The following ZNF831 variants were observed in gnomAD, a reference collection of about 807,000 sequenced individuals.
The protein encoded by ZNF831 is zinc finger protein 831, also known as chromosome 20 open reading frame 174.
A neutral mutation model predicts 95.8 loss-of-function variants in ZNF831; 59 were observed. The ratio of observed to expected loss-of-function variants is 0.62; its 90% CI spans 0.50 to 0.77. ZNF831 has a LOEUF of 0.77. Among genes scored for constraint, ZNF831 ranks in the 30% least tolerant of loss-of-function variants. The pLI, the probability that ZNF831 is intolerant of heterozygous loss-of-function variation, is 0.00. For missense variants in ZNF831, 2,205 were observed against 2,164.0 expected, an observed-to-expected ratio of 1.02 and a Z score of -0.38; for synonymous variants, 961 against 925.5, an observed-to-expected ratio of 1.04 and a Z score of -0.70.
rs201334296 is a variant in ZNF831, at chr20:59,194,015, G to T, written c.2996G>T (p.Gly999Val). 9 of 1,529,074 alleles carry T rather than the reference G, an allele frequency of 5.9e-6. No individual in the cohort carries two copies. The highest frequency in any genetic ancestry group is 7.9e-6 in the Non-Finnish European group (9 of 1,140,274). The allele number at this position is 1,529,074 out of a possible 1,614,324, so 94.7% of individuals were successfully genotyped here. Residue 999 changes from glycine (G) to valine (V), a missense_variant, in exon 2 of 6, where the codon GGT becomes GTT. By Grantham distance (109) the Gly-to-Val change is moderately radical. Transcript: ENST00000371030. ...SPSPASGPSP[G>V]EADSILEDPS... ...AGCCCAGCCTCAGGCCCCTCCCCAG[G>T]TGAGGCGGACAGCATCCTGGAGGAC...
intron 2 of ZNF831, 142 bp downstream of exon 2, chr20:59,194,899 G>A (rs1321878512): frequency 1.6e-6 from 2 of 1,240,636 alleles, no homozygotes; most frequent in South Asian, 2.0e-5. Flanking sequence ...GGGAGGCTGG[G>A]GATACCACAT....
chr20:59,167,428 C>CAA lies in ZNF831; in HGVS notation c.-37+3233_-37+3234dup, dbSNP rs11477789. Among the ~76,000 whole-genome samples, 743 of 139,450 alleles carry CAA rather than the reference C, an allele frequency of 5.3e-3. 2 individuals carry two copies. The highest frequency in any genetic ancestry group is 0.015 in the Middle Eastern group (4 of 268). 91.5% of individuals were successfully genotyped at this position (139,450 alleles called of 152,430 possible). On this transcript the variant is annotated intron_variant, in intron 1 of 5. Transcript: ENST00000371030. ...ATTATAAGCAGGGGTTTGCACAGAGCAAAAAAAAAAAAATTAACTTCGATG... is the reference window on the plus strand; with the variant it reads ...ATTATAAGCAGGGGTTTGCACAGAGCAAAAAAAAAAAAAAATTAACTTCGATG...
chr20:59,190,861 A>T, intron 1 of ZNF831, 123 bp from the exon 2 acceptor site: 1 of 801,032 alleles, frequency 1.2e-6, no homozygotes, highest in Non-Finnish European at 1.7e-6. Flanking sequence ...GGATGAGAGT[A>T]CATTCCTTAG....
At chr20:59,137,453 C>T (rs143251042) in intron 1 of ZNF831, among the ~76,000 whole-genome samples, 1 of 152,126 alleles carries the variant, frequency 6.6e-6, no homozygotes, top group Non-Finnish European at 1.5e-5. Flanking sequence ...AGGTGGTCAA[C>T]TTCAAACTCA....
In ZNF831 at chr20:59,193,923, C is replaced by T; in HGVS notation, c.2904C>T (p.Cys968=). Residue 968 remains cysteine (C), a synonymous_variant, in exon 2 of 6, where the codon TGC becomes TGT. Transcript: ENST00000371030. ...WGPRHSQDSL[C]SSGWPEERAS... ...CAAGGCACAGCCAGGACTCTCTCTGCAGCAGTGGGTGGCCTGAAGAACGGG... is the reference window on the plus strand; with the variant it reads ...CAAGGCACAGCCAGGACTCTCTCTGTAGCAGTGGGTGGCCTGAAGAACGGG... 1.9e-6 allele frequency: 3 copies of T among 1,597,516 alleles called. No individual in the cohort carries two copies. In the South Asian group the frequency reaches 3.4e-5, roughly 18 times the overall value.
At chr20:59,222,053 GC>G (rs1349318442) in intron 4 of ZNF831, among the ~76,000 whole-genome samples, 4 of 152,158 alleles carry the variant, frequency 2.6e-5, no homozygotes, top group Non-Finnish European at 4.4e-5. Context: ...AATGTGCGAC[GC>G]CCCCTCCCTT....
intron 2 of ZNF831, among the ~76,000 whole-genome samples, chr20:59,148,072 A>G (rs1445344544): frequency 2.6e-5 from 4 of 152,270 alleles, no homozygotes; most frequent in Non-Finnish European, 5.9e-5. Context: ...ACTCTCTGAA[A>G]TGCTTGAGAA....
intron 4 of ZNF831, among the ~76,000 whole-genome samples, chr20:59,250,604 T>C (rs1987834926): frequency 6.6e-6 from 1 of 152,028 alleles, no homozygotes; most frequent in South Asian, 2.1e-4. Flanking sequence ...CAAAGGAACT[T>C]GGAAGAGGGA....
rs2146543492 is a variant in ZNF831, at chr20:59,191,160, C to T, written c.141C>T (p.Gly47=). The T allele has an allele frequency of 1.2e-6, 2 of 1,602,146 alleles. No homozygotes were observed. The highest frequency in any genetic ancestry group is 1.7e-5 in the Admixed American group (1 of 59,388). The stretch of plus-strand genomic sequence containing the variant: ...CTGTCCTTCTGCCGCCAGAGCAGGG[C>T]CTGGCCCCCCCCACTGTGTTCCTGA... ...LGPVLLPPEQ[G]LAPPTVFLKA... Residue 47 remains glycine (G), a synonymous_variant, in exon 2 of 6, where the codon GGC becomes GGT. Coordinates refer to ENST00000371030, the MANE Select transcript of ZNF831 (RefSeq NM_178457.3).
Position 59,152,289 on chromosome 20 carries a change from A to G in ZNF831, c.-1281+5915A>G, listed in dbSNP as rs1037658216. ...AAATTCACCTAAAAGTGTCACAGGG[A>G]CTCTGCTGCTGAGGTTCGGGAGTGG... On this transcript the variant is annotated intron_variant, in intron 2 of 7. Coordinates refer to the ZNF831 transcript ENST00000637017. Among the ~76,000 whole-genome samples the G allele has an allele frequency of 5.3e-5, 8 of 151,278 alleles. No individual in the cohort carries two copies. The East Asian group carries it at 1.6e-3, about 29-fold the overall frequency.
At chr20:59,136,032 A>G (rs1311168359) in intron 1 of ZNF831, among the ~76,000 whole-genome samples, 2 of 152,156 alleles carry the variant, frequency 1.3e-5, no homozygotes, top group Non-Finnish European at 2.9e-5. Flanking sequence ...TCCACTTCCA[A>G]GCTTATTCAG....
chr20:59,159,086 A>G (rs1190074014), upstream of ZNF831, among the ~76,000 whole-genome samples: 1 of 152,184 alleles, frequency 6.6e-6, no homozygotes, highest in Non-Finnish European at 1.5e-5. Context: ...ATCAATTATT[A>G]TAGCTTGGGA....
rs202068818 is a variant in ZNF831 at position 59,194,587 on chromosome 20, C to T, written c.3568C>T (p.Arg1190Cys). The T allele has an allele frequency of 2.0e-5, 32 of 1,610,500 alleles. No homozygotes were observed. In the South Asian group the frequency reaches 2.1e-4, roughly 11 times the overall value. Residue 1190 changes from arginine (R) to cysteine (C), a missense_variant, in exon 2 of 6, where the codon CGC becomes TGC. Physicochemically the swap from Arg to Cys is radical, Grantham distance 180. Coordinates refer to ENST00000371030, the MANE Select transcript of ZNF831 (RefSeq NM_178457.3). ...GCGGCTCACGTGGTGTTGCCTGAGCCGCAGTGTCCCTCTGCCCGCGGAGCA... is the reference window on the plus strand; with the variant it reads ...GCGGCTCACGTGGTGTTGCCTGAGCTGCAGTGTCCCTCTGCCCGCGGAGCA... ...EPRLTWCCLS[R>C]SVPLPAEQKA...
At position 59,195,855 on chromosome 20, in the gene ZNF831, CT is replaced by C. The variant is rs1450904514; in HGVS notation, c.3739-12del. The C allele has an allele frequency of 6.2e-7, 1 of 1,609,310 alleles. No individual in the cohort carries two copies. Among genetic ancestry groups the C allele is most frequent in the African/African-American group, 1.3e-5 (1 of 74,656 alleles). ...CTTTGAGTAATGTGATGCCAACATG[CT>C]TGGTGTTTTCAGTTCTCCTACCCAA... is the stretch of plus-strand genomic sequence containing the variant. On this transcript the variant is annotated splice_polypyrimidine_tract_variant and intron_variant, in intron 2 of 5. Transcript: ENST00000371030.
At chr20:59,173,643 C>T (rs938814586) in intron 1 of ZNF831, among the ~76,000 whole-genome samples, 3 of 152,160 alleles carry the variant, frequency 2.0e-5, no homozygotes, top group African/African-American at 7.2e-5. Flanking sequence ...TCACAGGTTA[C>T]AAGAGTCACA....
At chr20:59,143,236 C>T (rs1008189856) in intron 1 of ZNF831, among the ~76,000 whole-genome samples, 1 of 152,114 alleles carries the variant, frequency 6.6e-6, no homozygotes. Context: ...GCTCCTAGGG[C>T]CTAGAAAAGT....
chr20:59,225,716 G>A (rs6092752), intron 4 of ZNF831, among the ~76,000 whole-genome samples: 1,733 of 152,296 alleles, frequency 0.011, 37 homozygotes, highest in African/African-American at 0.039. Flanking sequence ...GGAGGGTGGT[G>A]GGGGCCAGCA....
At chr20:59,249,476 T>C (rs1987779076) in intron 4 of ZNF831, among the ~76,000 whole-genome samples, 1 of 152,164 alleles carries the variant, frequency 6.6e-6, no homozygotes, top group Non-Finnish European at 1.5e-5. Flanking sequence ...CAGTAGAAGC[T>C]CTTGAGGGCC....
chr20:59,253,204 T>C (rs1339725987), intron 5 of ZNF831, 66 bp downstream of exon 5: 1 of 1,563,260 alleles, frequency 6.4e-7, no homozygotes, highest in South Asian at 1.2e-5. Context: ...CTGCTTGTTC[T>C]TGCTGCTCTT....
Sources: gnomAD v4.1 joint callset for allele counts (sites outside exome capture counted in the v4.1 genomes callset) on GRCh38, gnomAD v4.1.1 for gene constraint, MANE v1.5 for transcripts, NCBI Gene and HGNC (gene_info 2026-07-23, HGNC 2026-07-21) for gene names.